Variants in DLL3 observed in about 807,000 individuals in gnomAD.
The protein encoded by DLL3 is delta like canonical Notch ligand 3, also known as delta-like protein 3.
In DLL3, 49 loss-of-function variants were observed where a neutral mutation model predicts 55.0. The observed-to-expected ratio is 0.89, with a 90% CI of 0.71 to 1.13. The LOEUF (loss-of-function observed/expected upper bound fraction) is 1.13. Ranked by LOEUF, DLL3 falls within the 50% of genes most tolerant of loss-of-function variation. The probability of loss-of-function intolerance (pLI) is 0.00; values close to 1 mark genes in which losing one functional copy is unlikely to be tolerated. For missense variants in DLL3, 962 were observed against 875.5 expected (o/e 1.10, Z -1.25); for synonymous variants, 421 against 385.2 (o/e 1.09, Z -1.09).
chr19:39,501,548 C>T (rs560043501), intron 3 of DLL3, among the ~76,000 whole-genome samples: 3 of 152,254 alleles, frequency 2.0e-5, no homozygotes, highest in Admixed American at 6.5e-5. Flanking sequence ...TCTCAAACTC[C>T]TAGGCTCAAG....
rs1389464827 is a variant in DLL3, at chr19:39,499,317, G to T, written c.195G>T (p.Lys65Asn). Residue 65 changes from lysine (K) to asparagine (N), a missense_variant, in exon 2 of 9, where the codon AAG becomes AAT. Physicochemically the swap from Lys to Asn is moderately conservative, Grantham distance 94. Coordinates refer to ENST00000356433, the MANE Select transcript of DLL3 (RefSeq NM_203486.3). The stretch of plus-strand genomic sequence containing the variant: ...GCCTCTTCTTCAGAGTCTGCCTGAA[G>T]CCTGGGCTCTCAGAGGAGGCCGCCG... The part of the protein sequence containing the change: ...PCRLFFRVCL[K>N]PGLSEEAAES... The T allele has an allele frequency of 1.9e-6, 3 of 1,546,028 alleles. No homozygotes were observed. Among genetic ancestry groups the T allele is most frequent in the Non-Finnish European group, 2.6e-6 (3 of 1,150,332 alleles).
At chr19:39,500,124 C>T (rs1280525870) in intron 2 of DLL3, among the ~76,000 whole-genome samples, 2 of 151,988 alleles carry the variant, frequency 1.3e-5, no homozygotes, top group East Asian at 1.9e-4. Context: ...GTGCTTACCA[C>T]GTAGTAAGTG....
intron 3 of DLL3, 93 bp downstream of exon 3, chr19:39,500,765 A>G: frequency 8.9e-7 from 1 of 1,124,428 alleles, no homozygotes; most frequent in Admixed American, 1.7e-5. Flanking sequence ...TGATGTCATC[A>G]CAGCTCCTGG....
intron 2 of DLL3, among the ~76,000 whole-genome samples, chr19:39,499,948 C>T (rs2079600129): frequency 6.6e-6 from 1 of 151,746 alleles, no homozygotes; most frequent in Admixed American, 6.6e-5. Flanking sequence ...CCCCACAACC[C>T]AAAGGCACAA....
intron 6 of DLL3, among the ~76,000 whole-genome samples, chr19:39,506,321 C>T (rs2079640849): frequency 6.8e-6 from 1 of 147,428 alleles, no homozygotes; most frequent in South Asian, 2.1e-4. Context: ...GAGCCGAGAT[C>T]GCGCCACTGC....
chr19:39,502,718 CG>C, intron 3 of DLL3, 96 bp from the exon 4 acceptor site: 1 of 1,270,582 alleles, frequency 7.9e-7, no homozygotes. Context: ...GTTTTGGCCT[CG>C]CTGGGAGGGG....
Position 39,503,012 on chromosome 19 carries a change from G to C in DLL3, c.607G>C (p.Gly203Arg), listed in dbSNP as rs1471202073. ...PRSAPSRCGP[G>R]LRPCAPLEDE... ...CAGCGCCCCCTCGCGGTGCGGTCCG[G>C]GACTGCGCCCCTGCGCACCGCTCGA... Residue 203 changes from glycine (G) to arginine (R), a missense_variant, in exon 4 of 9, where the codon GGA (glycine) becomes CGA (arginine). Physicochemically the swap from Gly to Arg is moderately radical, Grantham distance 125 (BLOSUM62 -2). Transcript: ENST00000356433. 3 of 1,508,404 alleles carry C rather than the reference G, an allele frequency of 2.0e-6. No homozygotes were observed. The highest frequency in any genetic ancestry group is 2.1e-5 in the Admixed American group (1 of 48,266). The allele number at this position is 1,508,404 out of a possible 1,614,324, so 93.4% of individuals were successfully genotyped here. A position where few individuals can be genotyped will look rare whatever the true frequency, so the allele number is the denominator to read the frequency against.
chr19:39,507,077 C>A lies in DLL3; in HGVS notation c.1132C>A (p.Arg378Ser). The A allele has an allele frequency of 6.5e-7, 1 of 1,542,668 alleles. No homozygotes were observed. Among genetic ancestry groups the A allele is most frequent in the Non-Finnish European group, 8.7e-7 (1 of 1,151,316 alleles). Reference sequence around the variant, plus strand: ...GGACCTGGGCCACGCCCTGCGCTGCCGCTGCCGCGCCGGCTTCGCGGGTCC... The same window carrying A: ...GGACCTGGGCCACGCCCTGCGCTGCAGCTGCCGCGCCGGCTTCGCGGGTCC... ...CLDLGHALRC[R>S]CRAGFAGPRC... The change falls in exon 7 of 9, where the codon CGC (arginine) becomes AGC (serine). Residue 378 changes from arginine (R) to serine (S), a missense_variant. By Grantham distance (110) the Arg-to-Ser change is moderately radical. Transcript: ENST00000356433.
chr19:39,508,258 C>A lies in DLL3; in HGVS notation c.*1C>A. The stretch of plus-strand genomic sequence containing the variant: ...CTACTCATTTTGTTTCTAGGCCTGA[C>A]GCGTCTCCTCCATCCGCACCTGGAG... On this transcript the variant is annotated 3_prime_UTR_variant, in exon 9 of 9. Coordinates refer to ENST00000356433, the MANE Select transcript of DLL3 (RefSeq NM_203486.3). The A allele has an allele frequency of 6.2e-7, 1 of 1,613,908 alleles. No individual in the cohort carries two copies. The highest frequency in any genetic ancestry group is 8.5e-7 in the Non-Finnish European group (1 of 1,180,022).
At position 39,505,434 on chromosome 19, in the gene DLL3, T is replaced by C. The variant is rs139372003; in HGVS notation, c.1076T>C (p.Leu359Pro). Residue 359 changes from leucine to proline, a missense_variant, in exon 6 of 9, where the codon CTG becomes CCG. Leu to Pro is a moderately conservative substitution (Grantham distance 98). Coordinates refer to ENST00000356433, the MANE Select transcript of DLL3 (RefSeq NM_203486.3). ...NCEKRVDRCSLQPCRNGGLCL... is the reference protein window; with the variant it reads ...NCEKRVDRCSPQPCRNGGLCL... ...GAGAAGAGGGTGGACCGGTGCAGCCTGCAGCCATGCCGCAATGGTGAGGCC... is the reference window on the plus strand; with the variant it reads ...GAGAAGAGGGTGGACCGGTGCAGCCCGCAGCCATGCCGCAATGGTGAGGCC... The C allele has an allele frequency of 5.8e-5, 93 of 1,614,058 alleles. No homozygotes were observed. The African/African-American group carries it at 1.0e-3, about 18-fold the overall frequency.
Position 39,502,803 on chromosome 19 carries a change from C to CTGT in DLL3, c.410-11_410-9dup. On this transcript the variant is annotated splice_polypyrimidine_tract_variant and intron_variant, in intron 3 of 8. Transcript: ENST00000356433. Reference sequence around the variant, plus strand: ...GCCCACCCCAGCACCCCTCCTTTGCCTGTCCTCGCAGGGCCCGCCTGGAGC... The same window carrying CTGT: ...GCCCACCCCAGCACCCCTCCTTTGCCTGTTGTCCTCGCAGGGCCCGCCTGGAGC... 3.5e-6 allele frequency: 5 copies of CTGT among 1,412,526 alleles called. No individual in the cohort carries two copies. Among genetic ancestry groups the CTGT allele is most frequent in the Non-Finnish European group, 4.6e-6 (5 of 1,088,488 alleles). The allele number at this position is 1,412,526 out of a possible 1,614,324, so 87.5% of individuals were successfully genotyped here.
chr19:39,508,326 C>G lies in DLL3; in HGVS notation c.*69C>G. ...GTATTTGCTCGGTGGTGCCCAGTCT[C>G]TGCCCCAGAGGCTTTGGAGTTCAAT... On this transcript the variant is annotated 3_prime_UTR_variant, in exon 9 of 9. Coordinates refer to ENST00000356433, the MANE Select transcript of DLL3 (RefSeq NM_203486.3). The G allele has an allele frequency of 7.6e-6, 12 of 1,580,786 alleles. No individual in the cohort carries two copies. Among genetic ancestry groups the G allele is most frequent in the Non-Finnish European group, 1.0e-5 (12 of 1,150,808 alleles).
In DLL3 at chr19:39,499,262, G is replaced by C. The variant is rs933987748; in HGVS notation, c.140G>C (p.Arg47Pro). ...CCGGGTCCAGGCCCTGGGGCCCCGC[G>C]GTCCCCCTGCAGCGCCCGGCTCCCC... is the stretch of plus-strand genomic sequence containing the variant. ...FGPGPGPGAP[R>P]SPCSARLPCR... The change falls in exon 2 of 9, where the codon CGG becomes CCG. Residue 47 changes from arginine to proline, a missense_variant. Transcript: ENST00000356433. 4 of 1,543,196 alleles carry C rather than the reference G, an allele frequency of 2.6e-6. No homozygotes were observed. The highest frequency in any genetic ancestry group is 2.6e-6 in the Non-Finnish European group (3 of 1,148,984).
chr19:39,507,245 G>T lies in DLL3; in HGVS notation c.1300G>T (p.Ala434Ser), dbSNP rs1466843809. The T allele has an allele frequency of 2.7e-6, 4 of 1,500,064 alleles. No homozygotes were observed. In the South Asian group the frequency reaches 5.0e-5, roughly 19 times the overall value. 92.9% of individuals were successfully genotyped at this position (1,500,064 alleles called of 1,614,324 possible). ...RDCRERADPCAARPCAHGGRC... is the reference protein window; with the variant it reads ...RDCRERADPCSARPCAHGGRC... ...CTGCCGCGAGCGCGCGGACCCGTGC[G>T]CCGCGCGCCCCTGTGCTCACGGCGG... The change falls in exon 7 of 9, where the codon GCC (alanine) becomes TCC (serine). Residue 434 changes from alanine to serine, a missense_variant. Ala to Ser is a moderately conservative substitution (Grantham distance 99). Transcript: ENST00000356433.
rs1304948332 is a variant in DLL3, at chr19:39,499,470, G to T, written c.348G>T (p.Trp116Cys). Reference sequence around the variant, plus strand: ...TGCAGGTGCCCTTCCGGGACGCCTGGCCTGTAAGTGCTGCCCCCGGGGGAC... The same window carrying T: ...TGCAGGTGCCCTTCCGGGACGCCTGTCCTGTAAGTGCTGCCCCCGGGGGAC... ...GLLQVPFRDAWPGTFSFIIET... is the reference protein window; with the variant it reads ...GLLQVPFRDACPGTFSFIIET... Residue 116 changes from tryptophan (W) to cysteine (C), a missense_variant, in exon 2 of 9, where the codon TGG becomes TGT. By Grantham distance (215) the Trp-to-Cys change is radical (BLOSUM62 -2). Coordinates refer to ENST00000356433, the MANE Select transcript of DLL3 (RefSeq NM_203486.3). 2 of 1,588,358 alleles carry T rather than the reference G, an allele frequency of 1.3e-6. No individual in the cohort carries two copies. Among genetic ancestry groups the T allele is most frequent in the East Asian group, 4.5e-5 (2 of 44,430 alleles).
rs2079657526 is a variant in DLL3 at position 39,508,354 on chromosome 19, T to C, written c.*97T>C. 3.6e-6 allele frequency: 5 copies of C among 1,404,334 alleles called. No homozygotes were observed. Among genetic ancestry groups the C allele is most frequent in the Non-Finnish European group, 5.0e-6 (5 of 992,238 alleles). The allele number at this position is 1,404,334 out of a possible 1,614,324, so 87.0% of individuals were successfully genotyped here. ...CCCCAGAGGCTTTGGAGTTCAATCTTGAAGGGGTGTCTGGGGGAACTTTAC... is the reference window on the plus strand; with the variant it reads ...CCCCAGAGGCTTTGGAGTTCAATCTCGAAGGGGTGTCTGGGGGAACTTTAC... On this transcript the variant is annotated 3_prime_UTR_variant, in exon 9 of 9. Transcript: ENST00000356433.
chr19:39,505,616 A>C, intron 6 of DLL3, 165 bp downstream of exon 6: 217 of 654,486 alleles, frequency 3.3e-4, no homozygotes, highest in East Asian at 6.9e-4. Flanking sequence ...TCCCTATCTC[A>C]TAACTATTAA....
In DLL3 at chr19:39,505,274, G is replaced by A. The variant is rs774218328; in HGVS notation, c.916G>A (p.Gly306Arg). ...ATGCACCTGCCCGCGTGGGTTCTAC[G>A]GGCTGCGGTGTGAGGTGAGCGGGGT... Reference protein sequence around the residue: ...FECTCPRGFYGLRCEVSGVTC... With the variant: ...FECTCPRGFYRLRCEVSGVTC... The change falls in exon 6 of 9, where the codon GGG (glycine) becomes AGG (arginine). Residue 306 changes from glycine to arginine, a missense_variant. Physicochemically the swap from Gly to Arg is moderately radical, Grantham distance 125. Transcript: ENST00000356433. The A allele has an allele frequency of 3.7e-6, 6 of 1,614,170 alleles. No homozygotes were observed. Among genetic ancestry groups the A allele is most frequent in the Admixed American group, 1.7e-5 (1 of 60,022 alleles).
chr19:39,507,936 C>G (rs550561051), intron 8 of DLL3, 22 bp downstream of exon 8: 1 of 1,614,154 alleles, frequency 6.2e-7, no homozygotes, highest in South Asian at 1.1e-5. Flanking sequence ...CCTTTTCCCC[C>G]CGCTACACAC....
Sources: allele counts gnomAD v4.1 joint callset (sites outside exome capture counted in the v4.1 genomes callset), GRCh38; gene constraint gnomAD v4.1.1; transcripts MANE v1.5; gene names NCBI Gene and HGNC (gene_info 2026-07-23, HGNC 2026-07-21).